SLC10A7: variants seen among roughly 807,000 people sequenced by gnomAD.
SLC10A7 encodes solute carrier family 10 member 7, also known as sodium/bile acid cotransporter 7.
Under a neutral mutation model 43.2 loss-of-function variants are expected in SLC10A7, and 29 were observed. The observed-to-expected ratio is 0.67, with a 90% CI of 0.50 to 0.92. SLC10A7 has a LOEUF of 0.92. Ranked by LOEUF, SLC10A7 falls within the 40% of genes least tolerant of loss-of-function variation. The probability of loss-of-function intolerance (pLI) is 0.00; values close to 1 mark genes in which losing one functional copy is unlikely to be tolerated. For synonymous variants in SLC10A7, 152 were observed against 144.8 expected, an observed-to-expected ratio of 1.05 and a Z score of -0.35; for missense variants, 295 against 403.2, an observed-to-expected ratio of 0.73 and a Z score of 2.30.
chr4:146,424,277 C>T (rs1051751229), intron 5 of SLC10A7, among the ~76,000 whole-genome samples: 1 of 152,120 alleles, frequency 6.6e-6, no homozygotes, highest in Non-Finnish European at 1.5e-5. Context: ...GTCTCAAACT[C>T]CTGGGCTCCA....
intron 4 of SLC10A7, chr4:146,478,301 C>T (rs1322705295): frequency 1.3e-5 from 2 of 152,130 alleles, no homozygotes; most frequent in Non-Finnish European, 2.9e-5. Context: ...CAAGGAGGGT[C>T]CTGGCAAGGG....
chr4:146,306,215 T>G (rs559647780), intron 6 of SLC10A7, among the ~76,000 whole-genome samples: 1 of 152,254 alleles, frequency 6.6e-6, no homozygotes, highest in East Asian at 1.9e-4. Flanking sequence ...ATTGGGAGAC[T>G]AAGATTGAGA....
At chr4:146,450,026 T>A (rs1205009035) in intron 4 of SLC10A7, among the ~76,000 whole-genome samples, 3 of 152,186 alleles carry the variant, frequency 2.0e-5, no homozygotes, top group African/African-American at 7.2e-5. Context: ...AGGTATATAA[T>A]CCTTACATTC....
intron 4 of SLC10A7, among the ~76,000 whole-genome samples, chr4:146,455,592 C>G (rs181830504): frequency 3.3e-5 from 5 of 152,026 alleles, no homozygotes; most frequent in African/African-American, 1.2e-4. Flanking sequence ...ACTCTCTCAT[C>G]AGCTTTTCAT....
chr4:146,316,297 T>G (rs1434231983), intron 6 of SLC10A7, among the ~76,000 whole-genome samples: 1 of 152,096 alleles, frequency 6.6e-6, no homozygotes, highest in East Asian at 1.9e-4. Flanking sequence ...CATGATAATC[T>G]GAATGTTTCT....
intron 2 of SLC10A7, among the ~76,000 whole-genome samples, chr4:146,516,476 G>GTGTATA (rs941054484): frequency 1.4e-5 from 2 of 143,122 alleles, no homozygotes; most frequent in African/African-American, 5.2e-5. Flanking sequence ...ATATGTATAT[G>GTGTATA]TGTATATATA....
chr4:146,469,255 G>A (rs1026415547), intron 4 of SLC10A7, among the ~76,000 whole-genome samples: 1 of 152,180 alleles, frequency 6.6e-6, no homozygotes, highest in African/African-American at 2.4e-5. Context: ...ATGTAATGAG[G>A]CACAAATGGT....
intron 2 of SLC10A7, chr4:146,515,193 T>C: frequency 1.4e-6 from 1 of 702,310 alleles, no homozygotes; most frequent in South Asian, 1.5e-5. Flanking sequence ...GGATTTCCCA[T>C]GGCACAAGTA....
At chr4:146,386,495 T>C (rs1738006935) in intron 5 of SLC10A7, among the ~76,000 whole-genome samples, 1 of 152,202 alleles carries the variant, frequency 6.6e-6, no homozygotes, top group African/African-American at 2.4e-5. Context: ...TCTCTGTTAC[T>C]TGCAAACTGT....
intron 4 of SLC10A7, among the ~76,000 whole-genome samples, chr4:146,459,616 A>AC (rs1491182095): frequency 7.4e-5 from 11 of 148,084 alleles, no homozygotes; most frequent in African/African-American, 2.5e-4. Context: ...ATCCACACAC[A>AC]AAAAAAAAAA....
At chr4:146,493,232 G>T (rs1560962552) in intron 4 of SLC10A7, among the ~76,000 whole-genome samples, 1 of 152,134 alleles carries the variant, frequency 6.6e-6, no homozygotes, top group Admixed American at 6.5e-5. Context: ...TTAGCTAAAA[G>T]AAAAGTTAGA....
chr4:146,378,501 T>G (rs1434025202), intron 5 of SLC10A7, among the ~76,000 whole-genome samples: 1 of 152,170 alleles, frequency 6.6e-6, no homozygotes, highest in Non-Finnish European at 1.5e-5. Context: ...TAGACTGGAA[T>G]GATTTCATGA....
chr4:146,305,486 A>T (rs1246759485), intron 7 of SLC10A7, among the ~76,000 whole-genome samples: 1 of 150,930 alleles, frequency 6.6e-6, no homozygotes, highest in Non-Finnish European at 1.5e-5. Flanking sequence ...ATGACAAGTT[A>T]GTGGGTGCAG....
At chr4:146,341,413 A>G (rs1578930384) in intron 5 of SLC10A7, among the ~76,000 whole-genome samples, 2 of 151,942 alleles carry the variant, frequency 1.3e-5, no homozygotes, top group East Asian at 3.9e-4. Flanking sequence ...ATTTGAAAGT[A>G]TAATTTAGAG....
At chr4:146,476,175 G>A (rs1161422832) in intron 4 of SLC10A7, among the ~76,000 whole-genome samples, 1 of 152,204 alleles carries the variant, frequency 6.6e-6, no homozygotes, top group African/African-American at 2.4e-5. Context: ...GAGGAAGGTA[G>A]AGTAAGTAAA....
At chr4:146,287,031 T>TGTGTCTGGAGTGGTGAGAAGGACC (rs1730052330) in intron 9 of SLC10A7, among the ~76,000 whole-genome samples, 1 of 143,136 alleles carries the variant, frequency 7.0e-6, no homozygotes, top group Non-Finnish European at 1.6e-5. Flanking sequence ...TGAGAAGGAC[T>TGTGTCTGGAGTGGTGAGAAGGACC]GAGTTTAGAG....
At chr4:146,458,712 A>G (rs572228695) in intron 4 of SLC10A7, among the ~76,000 whole-genome samples, 2 of 151,976 alleles carry the variant, frequency 1.3e-5, no homozygotes, top group Admixed American at 6.6e-5. Flanking sequence ...CGTTTTTACT[A>G]TAAAACCCAA....
At chr4:146,322,714 T>C (rs1732810184) in intron 6 of SLC10A7, among the ~76,000 whole-genome samples, 1 of 152,206 alleles carries the variant, frequency 6.6e-6, no homozygotes, top group Non-Finnish European at 1.5e-5. Context: ...CAGCATGATT[T>C]ATAATCCTTT....
Position 146,325,941 on chromosome 4 carries a change from G to A in SLC10A7, c.471+20C>T, listed in dbSNP as rs759106293. ...ATAGCTTTTAATAAAATATATTAAA[G>A]ACAACATCAAAATACTCACAAAAAG... On this transcript the variant is annotated intron_variant, in intron 6 of 11. Transcript: ENST00000335472. 9.4e-6 allele frequency: 15 copies of A among 1,603,720 alleles called. No homozygotes were observed. Among genetic ancestry groups the A allele is most frequent in the Non-Finnish European group, 8.5e-7 (1 of 1,173,228 alleles).
Sources: allele counts gnomAD v4.1 joint callset (sites outside exome capture counted in the v4.1 genomes callset), GRCh38; gene constraint gnomAD v4.1.1; transcripts MANE v1.5; gene names NCBI Gene and HGNC (gene_info 2026-07-23, HGNC 2026-07-21).